The following DNAJC13 variants were observed in gnomAD, a reference collection of about 807,000 sequenced individuals.
DNAJC13 encodes DnaJ heat shock protein family (Hsp40) member C13, also known as dnaJ homolog subfamily C member 13.
Under a neutral mutation model 290.5 loss-of-function variants are expected in DNAJC13, and 75 were observed. The observed-to-expected ratio is 0.26, with a 90% CI of 0.21 to 0.31. DNAJC13 has a LOEUF of 0.31. Among genes scored for constraint, DNAJC13 ranks in the 10% least tolerant of loss-of-function variants. DNAJC13 has a pLI of 1.00. For synonymous variants in DNAJC13, 862 were observed against 892.0 expected (o/e 0.97, Z 0.60); for missense variants, 2,260 against 2,674.5 (o/e 0.85, Z 3.42).
Position 132,461,032 on chromosome 3 carries a change from T to A in DNAJC13, c.1558-18T>A, listed in dbSNP as rs1348028658. ...CCCATCTCTTAAGTCTTTAAGAGAA[T>A]CTGTTGCATTGTTTCAGGATCATGG... On this transcript the variant is annotated intron_variant, in intron 14 of 55. Coordinates refer to ENST00000260818, the MANE Select transcript of DNAJC13 (RefSeq NM_015268.4). 3 of 1,610,960 alleles carry A rather than the reference T, an allele frequency of 1.9e-6. No individual in the cohort carries two copies. The highest frequency in any genetic ancestry group is 2.5e-6 in the Non-Finnish European group (3 of 1,178,856).
intron 1 of DNAJC13, among the ~76,000 whole-genome samples, chr3:132,426,436 A>G (rs1019580529): frequency 6.6e-6 from 1 of 152,270 alleles, no homozygotes; most frequent in Non-Finnish European, 1.5e-5. Flanking sequence ...TAGTTTGAGC[A>G]GATAAATTCC....
At chr3:132,451,637 ATTCC>A (rs1039066862) in intron 6 of DNAJC13, among the ~76,000 whole-genome samples, 23 of 152,068 alleles carry the variant, frequency 1.5e-4, no homozygotes, top group African/African-American at 5.6e-4. Flanking sequence ...TAATTGCAAA[ATTCC>A]TTTCTCTTGA....
At chr3:132,433,899 AC>A (rs1425683548) in intron 1 of DNAJC13, among the ~76,000 whole-genome samples, 2 of 152,166 alleles carry the variant, frequency 1.3e-5, no homozygotes, top group Admixed American at 1.3e-4. Flanking sequence ...AGTTGAATAG[AC>A]CAGTCCCCGT....
At chr3:132,523,041 T>C (rs1157320281) in intron 49 of DNAJC13, 44 bp downstream of exon 49, 2 of 1,602,226 alleles carry the variant, frequency 1.2e-6, no homozygotes, top group Middle Eastern at 1.7e-4. Context: ...TTAAATAAAA[T>C]CACTGGGAAG....
At chr3:132,498,036 C>G (rs986420794) in intron 36 of DNAJC13, among the ~76,000 whole-genome samples, 12 of 152,056 alleles carry the variant, frequency 7.9e-5, no homozygotes, top group Admixed American at 3.3e-4. Context: ...ATTTGCATCT[C>G]TTTGCCTAAT....
chr3:132,468,726 A>G (rs1934085697), intron 20 of DNAJC13, among the ~76,000 whole-genome samples: 1 of 152,180 alleles, frequency 6.6e-6, no homozygotes, highest in Admixed American at 6.5e-5. Flanking sequence ...CACTATATAC[A>G]TATATGGTCA....
intron 1 of DNAJC13, among the ~76,000 whole-genome samples, chr3:132,418,500 A>G (rs994616013): frequency 2.0e-5 from 3 of 152,056 alleles, no homozygotes; most frequent in African/African-American, 7.2e-5. Context: ...TTGTCTTAAG[A>G]TTGTTTCCTG....
intron 55 of DNAJC13, among the ~76,000 whole-genome samples, chr3:132,532,993 A>G (rs887377359): frequency 1.3e-5 from 2 of 149,414 alleles, no homozygotes; most frequent in African/African-American, 5.0e-5. Context: ...TCCTGACCTC[A>G]GGTGATCCAC....
intron 20 of DNAJC13, chr3:132,472,672 C>T (rs973541939): frequency 1.2e-6 from 1 of 853,542 alleles, no homozygotes; most frequent in African/African-American, 1.8e-5. Flanking sequence ...GTCTTAACTT[C>T]ACATGTGTTT....
intron 3 of DNAJC13, among the ~76,000 whole-genome samples, chr3:132,446,964 A>G (rs868144006): frequency 1.4e-4 from 21 of 152,172 alleles, no homozygotes; most frequent in Non-Finnish European, 1.5e-4. Context: ...CTGAACATTT[A>G]TAAGTAAACA....
Position 132,454,060 on chromosome 3 carries a change from C to A in DNAJC13, c.841-6C>A. On this transcript the variant is annotated splice_region_variant and splice_polypyrimidine_tract_variant and intron_variant, in intron 8 of 55. Coordinates refer to ENST00000260818, the MANE Select transcript of DNAJC13 (RefSeq NM_015268.4). ...TTGTTGAAGCTATTTTTTGTTTTTTCATTAGGTATTTGCGTTGGTCTGTGA... is the reference window on the plus strand; with the variant it reads ...TTGTTGAAGCTATTTTTTGTTTTTTAATTAGGTATTTGCGTTGGTCTGTGA... The A allele has an allele frequency of 1.3e-6, 2 of 1,576,142 alleles. No individual in the cohort carries two copies. Among genetic ancestry groups the A allele is most frequent in the Non-Finnish European group, 8.6e-7 (1 of 1,167,946 alleles).
intron 1 of DNAJC13, among the ~76,000 whole-genome samples, chr3:132,426,725 A>G (rs1489190773): frequency 6.6e-6 from 1 of 152,088 alleles, no homozygotes; most frequent in Non-Finnish European, 1.5e-5. Flanking sequence ...ATTTTTTTGA[A>G]TCACTTTTAG....
Position 132,434,558 on chromosome 3 carries a change from T to C in DNAJC13, c.8T>C (p.Ile3Thr), listed in dbSNP as rs1382986501. The C allele has an allele frequency of 1.1e-5, 17 of 1,612,158 alleles. No homozygotes were observed. In the East Asian group the frequency reaches 2.5e-4, roughly 23 times the overall value. Reference sequence around the variant, plus strand: ...TCCAGGTTTGAGCACAAAATGAACATAATTAGGGAAAATAAGGATCTGGCA... The same window carrying C: ...TCCAGGTTTGAGCACAAAATGAACACAATTAGGGAAAATAAGGATCTGGCA... MN[I>T]IRENKDLACF... Residue 3 changes from isoleucine to threonine, a missense_variant, in exon 2 of 56, where the codon ATA (isoleucine) becomes ACA (threonine). This residue lies in a region of DNAJC13 where 762 missense variants were observed against 964.1 expected (regional missense o/e 0.79). Coordinates refer to ENST00000260818, the MANE Select transcript of DNAJC13 (RefSeq NM_015268.4).
At chr3:132,488,863 A>C (rs1934970137) in intron 30 of DNAJC13, 113 bp from the exon 31 acceptor site, 5 of 720,062 alleles carry the variant, frequency 6.9e-6, no homozygotes, top group Middle Eastern at 3.9e-4. Flanking sequence ...GATTTATGTG[A>C]GTTGCCATTT....
In DNAJC13 at chr3:132,425,601, C is replaced by T. The variant is rs200433058; in HGVS notation, c.-14+7841C>T. Among the ~76,000 whole-genome samples, 4 of 152,128 alleles carry T rather than the reference C, an allele frequency of 2.6e-5. No individual in the cohort carries two copies. The East Asian group carries it at 7.7e-4, about 29-fold the overall frequency. On this transcript the variant is annotated intron_variant, in intron 1 of 55. Coordinates refer to ENST00000260818, the MANE Select transcript of DNAJC13 (RefSeq NM_015268.4). ...CTAATGAAAGTAAGTTCCGTTCTTG[C>T]ATTTTACAGACTCAAAATGGGAAAA...
Position 132,446,061 on chromosome 3 carries a change from C to T in DNAJC13, c.69-414C>T, listed in dbSNP as rs372410856. Among the ~76,000 whole-genome samples, 8 of 151,664 alleles carry T rather than the reference C, an allele frequency of 5.3e-5. No individual in the cohort carries two copies. The South Asian group carries it at 1.7e-3, about 32-fold the overall frequency. On this transcript the variant is annotated intron_variant, in intron 2 of 55. Transcript: ENST00000260818. ...CTGTGACTGACCAGTTGCCCCAGGC[C>T]ATAGCTTTTCCTTCCTTTCCATATG...
intron 48 of DNAJC13, among the ~76,000 whole-genome samples, chr3:132,521,070 C>G (rs1936075009): frequency 6.6e-6 from 1 of 152,044 alleles, no homozygotes; most frequent in Non-Finnish European, 1.5e-5. Flanking sequence ...TATGAGACAG[C>G]TAAGTATGTT....
intron 15 of DNAJC13, among the ~76,000 whole-genome samples, chr3:132,461,606 T>C (rs1169076911): frequency 1.3e-5 from 2 of 152,228 alleles, no homozygotes; most frequent in Non-Finnish European, 2.9e-5. Flanking sequence ...GATTTCTTGG[T>C]GTTTCATGTA....
At chr3:132,466,442 G>C in intron 19 of DNAJC13, 48 bp downstream of exon 19, 1 of 1,423,530 alleles carries the variant, frequency 7.0e-7, no homozygotes, top group South Asian at 1.6e-5. Flanking sequence ...TAAGGGTACT[G>C]TTATATATAT....
Sources: gnomAD v4.1 joint callset for allele counts (sites outside exome capture counted in the v4.1 genomes callset) on GRCh38, gnomAD v4.1.1 for gene constraint, gnomAD v4.1.1 regional missense constraint, MANE v1.5 for transcripts, NCBI Gene and HGNC (gene_info 2026-07-23, HGNC 2026-07-21) for gene names.